Variants in ADCY5 observed in about 807,000 individuals in gnomAD.
The protein encoded by ADCY5 is adenylate cyclase type 5.
Under a neutral mutation model 119.7 loss-of-function variants are expected in ADCY5, and 30 were observed. The ratio of observed to expected loss-of-function variants is 0.25; its 90% CI spans 0.19 to 0.34. The LOEUF (loss-of-function observed/expected upper bound fraction) is 0.34. ADCY5 is among the 10% of genes least tolerant of loss of function. The pLI is 1.00. For missense variants in ADCY5, 1,324 were observed against 1,775.2 expected (o/e 0.75, Z 4.57); for synonymous variants, 753 against 762.2 (o/e 0.99, Z 0.20).
At position 123,447,795 on chromosome 3, in the gene ADCY5, G is replaced by A. The variant is rs1244152910; in HGVS notation, c.751C>T (p.Leu251Phe). The A allele has an allele frequency of 1.9e-6, 3 of 1,611,696 alleles. No individual in the cohort carries two copies. Among genetic ancestry groups the A allele is most frequent in the Non-Finnish European group, 2.5e-6 (3 of 1,178,866 alleles). Reference protein sequence around the residue: ...SLTMLMAVLVLVCLVMLAFHA... With the variant: ...SLTMLMAVLVFVCLVMLAFHA... ...AAGGCCAACATGACCAGGCACACGA[G>A]CACCAGCACGGCCATGAGCATGGTG... Residue 251 changes from leucine (L) to phenylalanine (F), a missense_variant, in exon 1 of 21, where the codon CTC becomes TTC. Transcript: ENST00000462833.
At chr3:123,379,198 C>G (rs191120959) in intron 1 of ADCY5, among the ~76,000 whole-genome samples, 39 of 152,292 alleles carry the variant, frequency 2.6e-4, no homozygotes, top group Admixed American at 2.4e-3. Context: ...TTCACTCCCC[C>G]ACCCACATAC....
At chr3:123,403,376 G>A (rs1191158464) in intron 1 of ADCY5, among the ~76,000 whole-genome samples, 1 of 120,222 alleles carries the variant, frequency 8.3e-6, no homozygotes, top group East Asian at 2.3e-4. Flanking sequence ...GCGAGACCCT[G>A]TCTCAAAAAA....
At chr3:123,298,376 G>C (rs1393910165) in intron 15 of ADCY5, among the ~76,000 whole-genome samples, 1 of 152,164 alleles carries the variant, frequency 6.6e-6, no homozygotes, top group African/African-American at 2.4e-5. Flanking sequence ...TTCAGCGCCT[G>C]AAGAGGAGAT....
At chr3:123,295,937 C>G in intron 17 of ADCY5, 147 bp downstream of exon 17, 2 of 1,178,996 alleles carry the variant, frequency 1.7e-6, no homozygotes, top group Non-Finnish European at 2.3e-6. Flanking sequence ...ACACAGGGCA[C>G]CAAGTGGCTT....
chr3:123,328,873 A>G (rs1434733243), intron 5 of ADCY5, 71 bp from the exon 6 acceptor site: 1 of 1,490,918 alleles, frequency 6.7e-7, no homozygotes, highest in Non-Finnish European at 9.2e-7. Flanking sequence ...GTGAGGCTGC[A>G]GGTGCAGGGA....
At chr3:123,378,654 G>A (rs777637340) in intron 1 of ADCY5, among the ~76,000 whole-genome samples, 10 of 152,210 alleles carry the variant, frequency 6.6e-5, no homozygotes, top group African/African-American at 1.9e-4. Flanking sequence ...GCCCCACTTC[G>A]TTGTGAAAAC....
At chr3:123,384,505 C>A (rs1478697453) in intron 1 of ADCY5, among the ~76,000 whole-genome samples, 1 of 152,216 alleles carries the variant, frequency 6.6e-6, no homozygotes, top group Admixed American at 6.5e-5. Flanking sequence ...CCTTTATATA[C>A]ATTACCTCGG....
intron 8 of ADCY5, 21 bp from the exon 9 acceptor site, chr3:123,320,792 G>C (rs1941179295): frequency 6.4e-7 from 1 of 1,565,102 alleles, no homozygotes; most frequent in South Asian, 1.1e-5. Context: ...AGGATAGAAA[G>C]AGAAAGAGAA....
chr3:123,410,369 C>A (rs954707665), intron 1 of ADCY5, among the ~76,000 whole-genome samples: 6 of 151,850 alleles, frequency 4.0e-5, no homozygotes, highest in African/African-American at 1.2e-4. Flanking sequence ...TCCTCCTCAA[C>A]ACAGCAGCCT....
At chr3:123,440,786 A>G (rs1361972759) in intron 1 of ADCY5, among the ~76,000 whole-genome samples, 1 of 152,100 alleles carries the variant, frequency 6.6e-6, no homozygotes, top group East Asian at 1.9e-4. Context: ...CCCCCTCAAA[A>G]GGTGAGCCAC....
At chr3:123,401,197 A>T (rs1230229213) in intron 1 of ADCY5, among the ~76,000 whole-genome samples, 4 of 152,148 alleles carry the variant, frequency 2.6e-5, no homozygotes, top group African/African-American at 9.7e-5. Context: ...AAACTTACAT[A>T]GCAAAGATCC....
chr3:123,298,421 A>G (rs1390987279), intron 15 of ADCY5, among the ~76,000 whole-genome samples: 2 of 152,192 alleles, frequency 1.3e-5, no homozygotes, highest in Non-Finnish European at 2.9e-5. Flanking sequence ...GAGGAGGGCA[A>G]CATTCCCTGC....
chr3:123,419,402 C>A (rs990934582), intron 1 of ADCY5, among the ~76,000 whole-genome samples: 4 of 152,176 alleles, frequency 2.6e-5, no homozygotes, highest in African/African-American at 7.2e-5. Context: ...TCTCCCTTCA[C>A]CGTTTCCTTC....
intron 8 of ADCY5, among the ~76,000 whole-genome samples, chr3:123,321,056 C>T (rs1941195719): frequency 6.6e-6 from 1 of 152,160 alleles, no homozygotes; most frequent in African/African-American, 2.4e-5. Flanking sequence ...CCCCCATGCT[C>T]AACTCCTTTC....
At chr3:123,351,639 C>T (rs1294423664) in intron 2 of ADCY5, among the ~76,000 whole-genome samples, 1 of 152,190 alleles carries the variant, frequency 6.6e-6, no homozygotes, top group African/African-American at 2.4e-5. Flanking sequence ...GCCCCCCAGG[C>T]CTCCCATGTG....
At chr3:123,314,154 T>G in intron 12 of ADCY5, 81 bp downstream of exon 12, 2 of 1,165,084 alleles carry the variant, frequency 1.7e-6, no homozygotes, top group South Asian at 1.4e-5. Flanking sequence ...CCCCTTCACA[T>G]TTTGGGCCCC....
chr3:123,289,666 A>G (rs1411150762), intron 19 of ADCY5, 84 bp downstream of exon 19: 13 of 1,488,766 alleles, frequency 8.7e-6, no homozygotes, highest in African/African-American at 1.4e-5. Context: ...ACAATGGCGG[A>G]TGCGGTATGG....
At chr3:123,376,126 T>G (rs1943824019) in intron 1 of ADCY5, among the ~76,000 whole-genome samples, 1 of 151,982 alleles carries the variant, frequency 6.6e-6, no homozygotes, top group African/African-American at 2.4e-5. Flanking sequence ...TCAGCGGGAT[T>G]GTGACTAAGG....
intron 1 of ADCY5, among the ~76,000 whole-genome samples, chr3:123,442,375 C>T (rs1449513695): frequency 6.6e-6 from 1 of 152,252 alleles, no homozygotes; most frequent in Admixed American, 6.5e-5. Context: ...CCATTCATGC[C>T]TCATGCGGGA....
Sources: gnomAD v4.1 joint callset for allele counts (sites outside exome capture counted in the v4.1 genomes callset) on GRCh38, gnomAD v4.1.1 for gene constraint, MANE v1.5 for transcripts, NCBI Gene and HGNC (gene_info 2026-07-23, HGNC 2026-07-21) for gene names.